The following GABRA3 variants were observed in gnomAD, a reference collection of about 807,000 sequenced individuals.
GABRA3 encodes the protein gamma-aminobutyric acid receptor subunit alpha-3.
GABRA3 carries 10 observed loss-of-function variants against 30.1 expected under a neutral mutation model. The observed-to-expected ratio is 0.33, with a 90% CI of 0.20 to 0.56. The LOEUF (loss-of-function observed/expected upper bound fraction) is 0.56, where lower values mean the gene tolerates loss of function less well. Ranked by LOEUF, GABRA3 falls within the 20% of genes least tolerant of loss-of-function variation. GABRA3 has a pLI of 0.89. For synonymous variants in GABRA3, 151 were observed against 146.8 expected (o/e 1.03, Z -0.21); for missense variants, 233 against 392.0 (o/e 0.59, Z 3.42).
intron 3 of GABRA3, among the ~76,000 whole-genome samples, chrX:152,339,040 G>A (rs1386135239): frequency 9.1e-6 from 1 of 110,224 alleles, no homozygotes; most frequent in African/African-American, 3.3e-5. Flanking sequence ...TACATTTAAG[G>A]ATTTTTTTTT....
intron 1 of GABRA3, among the ~76,000 whole-genome samples, chrX:152,400,006 G>T (rs1351647510): frequency 1.8e-5 from 2 of 111,570 alleles, no homozygotes; most frequent in East Asian, 5.6e-4. Context: ...ACAACATACA[G>T]TGGGGACCTC....
chrX:152,330,466 T>C (rs915953299), intron 3 of GABRA3, among the ~76,000 whole-genome samples: 7 of 112,036 alleles, frequency 6.2e-5, no homozygotes, highest in Non-Finnish European at 1.3e-4. Context: ...CCATCAATGA[T>C]AGACTGGATT....
intron 9 of GABRA3, among the ~76,000 whole-genome samples, chrX:152,174,614 C>G (rs1937048675): frequency 8.9e-6 from 1 of 111,913 alleles, no homozygotes; most frequent in Non-Finnish European, 1.9e-5. Flanking sequence ...TGTTTATATC[C>G]TTCACCCACT....
intron 1 of GABRA3, among the ~76,000 whole-genome samples, chrX:152,413,243 T>A (rs1930119330): frequency 9.2e-6 from 1 of 108,771 alleles, no homozygotes; most frequent in African/African-American, 3.3e-5. Context: ...AAAAAAAAAA[T>A]AACTCCAATT....
At chrX:152,343,781 C>T (rs906836838) in intron 3 of GABRA3, among the ~76,000 whole-genome samples, 1 of 112,162 alleles carries the variant, frequency 8.9e-6, no homozygotes, top group African/African-American at 3.2e-5. Context: ...TTTAACTTTA[C>T]TTAATGTGTT....
Position 152,345,690 on chromosome X carries a change from C to T in GABRA3, c.153G>A (p.Lys51=). The change falls in exon 3 of 10, where the codon AAG becomes AAA. Residue 51 remains lysine, a synonymous_variant. Transcript: ENST00000370314. ...TGTCATCAGGAATATCTGGGGCATG[C>T]TTAGGAGACAGCCTGAGGCAATGCA... ...VKQDIGGLSP[K]HAPDIPDDST... 5.0e-6 allele frequency: 6 copies of T among 1,190,204 alleles called. No individual in the cohort carries two copies. The highest frequency in any genetic ancestry group is 5.6e-6 in the Non-Finnish European group (5 of 888,188).
chrX:152,235,468 T>G (rs1938181117), intron 5 of GABRA3, among the ~76,000 whole-genome samples: 1 of 111,185 alleles, frequency 9.0e-6, no homozygotes, highest in Non-Finnish European at 1.9e-5. Flanking sequence ...TATCACATGA[T>G]TACATATATT....
chrX:152,189,464 T>C (rs1468344619), intron 9 of GABRA3, among the ~76,000 whole-genome samples: 2 of 111,889 alleles, frequency 1.8e-5, no homozygotes, highest in Non-Finnish European at 3.8e-5. Flanking sequence ...TAAGTACCAA[T>C]GGGTGCCCCT....
intron 9 of GABRA3, among the ~76,000 whole-genome samples, chrX:152,181,513 C>T (rs978754367): frequency 9.1e-6 from 1 of 109,500 alleles, no homozygotes; most frequent in Admixed American, 9.9e-5. Flanking sequence ...GAGTTCATGT[C>T]CTTTGTAGGG....
intron 6 of GABRA3, among the ~76,000 whole-genome samples, chrX:152,218,378 T>C (rs1431334712): frequency 1.8e-5 from 2 of 111,014 alleles, no homozygotes; most frequent in East Asian, 5.7e-4. Context: ...TATAACCTAA[T>C]ATATGGTCTA....
At chrX:152,286,159 AAGTAT>A (rs1281032849) in intron 3 of GABRA3, among the ~76,000 whole-genome samples, 4 of 89,766 alleles carry the variant, frequency 4.5e-5, no homozygotes, top group South Asian at 9.9e-4. Context: ...TATATACTAT[AAGTAT>A]AGTATAGTAT....
chrX:152,239,390 T>A (rs780084972), intron 5 of GABRA3, among the ~76,000 whole-genome samples: 1 of 104,864 alleles, frequency 9.5e-6, no homozygotes, highest in Non-Finnish European at 1.9e-5. Flanking sequence ...CTTTTACATT[T>A]GCTGAGGAGA....
At chrX:152,428,590 A>T (rs1416241309) in intron 1 of GABRA3, among the ~76,000 whole-genome samples, 1 of 111,821 alleles carries the variant, frequency 8.9e-6, no homozygotes, top group Non-Finnish European at 1.9e-5. Flanking sequence ...AACCAGGAGC[A>T]TTGTTGTAGC....
chrX:152,186,064 G>A (rs1937249150), intron 9 of GABRA3, among the ~76,000 whole-genome samples: 1 of 111,215 alleles, frequency 9.0e-6, no homozygotes, highest in Non-Finnish European at 1.9e-5. Context: ...ATAAATTTGA[G>A]TCTTCTACCC....
chrX:152,233,104 G>A (rs1938118949), intron 5 of GABRA3, among the ~76,000 whole-genome samples: 1 of 110,299 alleles, frequency 9.1e-6, no homozygotes, highest in Admixed American at 9.7e-5. Context: ...CATGTTTATT[G>A]GCCACTTGTA....
chrX:152,439,467 G>C (rs1930863338), intron 1 of GABRA3, among the ~76,000 whole-genome samples: 1 of 111,233 alleles, frequency 9.0e-6, no homozygotes, highest in Non-Finnish European at 1.9e-5. Context: ...AGTGGTGGTG[G>C]GGATAATGAG....
intron 3 of GABRA3, among the ~76,000 whole-genome samples, chrX:152,331,506 G>A (rs761636490): frequency 8.0e-5 from 9 of 111,851 alleles, no homozygotes; most frequent in Non-Finnish European, 1.5e-4. Flanking sequence ...TCAGTAATGA[G>A]TTGAAATTCC....
At chrX:152,174,968 C>A (rs1455056553) in intron 9 of GABRA3, among the ~76,000 whole-genome samples, 9 of 111,602 alleles carry the variant, frequency 8.1e-5, no homozygotes, top group Admixed American at 5.7e-4. Flanking sequence ...TAATTTTTGT[C>A]TAAGGTGTAA....
intron 1 of GABRA3, among the ~76,000 whole-genome samples, chrX:152,446,665 C>A (rs757644423): frequency 2.1e-4 from 23 of 110,982 alleles, no homozygotes; most frequent in Middle Eastern, 4.6e-3. Flanking sequence ...GACTTCTTTC[C>A]AGAGTTCCAA....
Sources: allele counts gnomAD v4.1 joint callset (sites outside exome capture counted in the v4.1 genomes callset), GRCh38; gene constraint gnomAD v4.1.1; transcripts MANE v1.5; gene names NCBI Gene and HGNC (gene_info 2026-07-23, HGNC 2026-07-21).